The following KLF12 variants were observed in gnomAD, a reference collection of about 807,000 sequenced individuals.
KLF12 encodes the protein Krueppel-like factor 12.
In KLF12, 9 loss-of-function variants were observed where a neutral mutation model predicts 37.8. The ratio of observed to expected loss-of-function variants is 0.24; its 90% CI spans 0.14 to 0.42. The LOEUF is 0.42. KLF12 is among the 10% of genes least tolerant of loss of function. KLF12 has a pLI of 1.00. For synonymous variants in KLF12, 208 were observed against 202.1 expected (o/e 1.03, Z -0.25); for missense variants, 411 against 516.0 (o/e 0.80, Z 1.97).
At chr13:73,988,132 C>T (rs192396432) in intron 2 of KLF12, among the ~76,000 whole-genome samples, 6 of 152,340 alleles carry the variant, frequency 3.9e-5, no homozygotes, top group Admixed American at 3.9e-4. Flanking sequence ...GATTATCACA[C>T]ATTTATCTTT....
the KLF12 span, among the ~76,000 whole-genome samples, chr13:74,239,136 T>C: frequency 6.8e-6 from 1 of 146,694 alleles, no homozygotes; most frequent in East Asian, 2.0e-4. Context: ...TTCTGGTATG[T>C]TGTGTCTTTG....
At chr13:74,201,918 C>T in the KLF12 span, among the ~76,000 whole-genome samples, 7 of 152,122 alleles carry the variant, frequency 4.6e-5, no homozygotes, top group East Asian at 9.6e-4. Flanking sequence ...CATATGGTGG[C>T]CCTGTGTTTC....
At chr13:74,042,835 A>C (rs1278692038) in intron 1 of KLF12, among the ~76,000 whole-genome samples, 1 of 152,228 alleles carries the variant, frequency 6.6e-6, no homozygotes, top group Non-Finnish European at 1.5e-5. Context: ...GCATTAACTG[A>C]GGCACAAATT....
chr13:73,723,884 A>T (rs1876462590), intron 6 of KLF12, among the ~76,000 whole-genome samples: 1 of 152,202 alleles, frequency 6.6e-6, no homozygotes, highest in Non-Finnish European at 1.5e-5. Flanking sequence ...ATCATTAAAA[A>T]GTCAGGAAAC....
intron 5 of KLF12, among the ~76,000 whole-genome samples, chr13:73,786,917 CCT>C: frequency 6.6e-6 from 1 of 152,032 alleles, no homozygotes; most frequent in East Asian, 1.9e-4. Flanking sequence ...GGAGTGAGGC[CCT>C]GTCTCAAAAC....
intron 2 of KLF12, among the ~76,000 whole-genome samples, chr13:73,977,355 A>G (rs907680130): frequency 1.3e-5 from 2 of 152,170 alleles, no homozygotes; most frequent in African/African-American, 4.8e-5. Context: ...GATAACATAC[A>G]TTCTTTTCAA....
At chr13:74,107,435 G>A (rs752744156) in intron 1 of KLF12, among the ~76,000 whole-genome samples, 1 of 152,178 alleles carries the variant, frequency 6.6e-6, no homozygotes, top group Non-Finnish European at 1.5e-5. Context: ...GAATTTCAAG[G>A]TAACAATATC....
At chr13:74,223,957 T>G in the KLF12 span, among the ~76,000 whole-genome samples, 3 of 152,184 alleles carry the variant, frequency 2.0e-5, no homozygotes, top group African/African-American at 7.2e-5. Flanking sequence ...CTTAGGCCAA[T>G]CCATTCATTT....
At chr13:73,955,366 T>A (rs1408558443) in intron 2 of KLF12, among the ~76,000 whole-genome samples, 2 of 152,182 alleles carry the variant, frequency 1.3e-5, no homozygotes, top group Non-Finnish European at 2.9e-5. Flanking sequence ...TTGTTTTTTA[T>A]AAATGATGAC....
At chr13:73,714,753 T>C (rs767415778) in intron 7 of KLF12, among the ~76,000 whole-genome samples, 14 of 152,130 alleles carry the variant, frequency 9.2e-5, no homozygotes, top group Admixed American at 2.0e-4. Flanking sequence ...GAGTCACCAG[T>C]TCATTTCCTA....
chr13:74,279,451 A>C, the KLF12 span, among the ~76,000 whole-genome samples: 1 of 152,216 alleles, frequency 6.6e-6, no homozygotes, highest in East Asian at 1.9e-4. Flanking sequence ...GGGTAAGAAA[A>C]ATTTTTTTTT....
At chr13:73,858,638 A>T (rs750370865) in intron 3 of KLF12, among the ~76,000 whole-genome samples, 6 of 152,198 alleles carry the variant, frequency 3.9e-5, no homozygotes, top group Non-Finnish European at 2.9e-5. Context: ...TCAACACAAC[A>T]TTGTGATAAA....
At chr13:73,733,847 C>T (rs531068789) in intron 6 of KLF12, among the ~76,000 whole-genome samples, 10 of 152,260 alleles carry the variant, frequency 6.6e-5, no homozygotes, top group African/African-American at 2.4e-4. Context: ...TATTAATAGC[C>T]ATCCTAACAG....
intron 1 of KLF12, among the ~76,000 whole-genome samples, chr13:74,002,035 C>A (rs1237416101): frequency 1.3e-5 from 2 of 152,172 alleles, no homozygotes; most frequent in African/African-American, 4.8e-5. Flanking sequence ...GTTTTACTGA[C>A]ATGTTGACAT....
intron 1 of KLF12, among the ~76,000 whole-genome samples, chr13:74,050,792 T>C (rs1478815103): frequency 6.6e-6 from 1 of 152,076 alleles, no homozygotes; most frequent in Non-Finnish European, 1.5e-5. Flanking sequence ...ACCTACAGAA[T>C]GAGAGATAAT....
intron 1 of KLF12, among the ~76,000 whole-genome samples, chr13:74,065,226 G>GTA (rs71199832): frequency 0.32 from 47,784 of 149,572 alleles, 8,197 homozygotes; most frequent in Middle Eastern, 0.46. Flanking sequence ...ACACACACAT[G>GTA]TATATATATA....
intron 4 of KLF12, among the ~76,000 whole-genome samples, chr13:73,814,938 T>A (rs1883135114): frequency 6.6e-6 from 1 of 152,040 alleles, no homozygotes; most frequent in Non-Finnish European, 1.5e-5. Flanking sequence ...TAAAAACGTG[T>A]CACAGTTTAT....
intron 1 of KLF12, among the ~76,000 whole-genome samples, chr13:74,032,548 G>A (rs146980482): frequency 1.3e-4 from 20 of 152,128 alleles, no homozygotes; most frequent in African/African-American, 4.3e-4. Context: ...CCTACCCAGC[G>A]TTCAGTGTCA....
intron 3 of KLF12, among the ~76,000 whole-genome samples, chr13:73,927,192 C>T (rs1001259435): frequency 6.6e-6 from 1 of 152,084 alleles, no homozygotes; most frequent in Non-Finnish European, 1.5e-5. Flanking sequence ...AGGAGTTGCA[C>T]CATTGAGAAG....
Sources: allele counts gnomAD v4.1 joint callset (sites outside exome capture counted in the v4.1 genomes callset), GRCh38; gene constraint gnomAD v4.1.1; transcripts MANE v1.5; gene names NCBI Gene and HGNC (gene_info 2026-07-23, HGNC 2026-07-21).